The following UNC5D variants were observed in gnomAD, a reference collection of about 807,000 sequenced individuals.
The protein encoded by UNC5D is unc-5 netrin receptor D, also known as netrin receptor UNC5D.
UNC5D carries 39 observed loss-of-function variants against 105.4 expected under a neutral mutation model. The ratio of observed to expected loss-of-function variants is 0.37; its 90% CI spans 0.29 to 0.48. The LOEUF (loss-of-function observed/expected upper bound fraction) is 0.48. Ranked by LOEUF, UNC5D falls within the 20% of genes least tolerant of loss-of-function variation. UNC5D has a pLI of 0.98. For synonymous variants in UNC5D, 452 were observed against 450.4 expected (o/e 1.00, Z -0.04); for missense variants, 991 against 1,202.4 (o/e 0.82, Z 2.60).
chr8:35,512,292 CA>C (rs1812762001), intron 1 of UNC5D, among the ~76,000 whole-genome samples: 1 of 150,522 alleles, frequency 6.6e-6, no homozygotes, highest in South Asian at 2.1e-4. Flanking sequence ...TGGGCAGAGG[CA>C]AAAGGATTAC....
At chr8:35,581,107 C>A (rs1012729590) in intron 3 of UNC5D, among the ~76,000 whole-genome samples, 1 of 152,096 alleles carries the variant, frequency 6.6e-6, no homozygotes, top group African/African-American at 2.4e-5. Flanking sequence ...GAATCCTCAT[C>A]TCTGGAAGGA....
Position 35,750,755 on chromosome 8 carries a change from C to G in UNC5D, c.2109C>G (p.Ser703=). Residue 703 remains serine, a synonymous_variant, in exon 13 of 17, where the codon TCC becomes TCG. Transcript: ENST00000404895. ...TTTTTGGCTGCATGTCCTGTAACTC[C>G]CTGGATTACAACTTGAGAGTTTACT... ...VAVFGCMSCN[S]LDYNLRVYCV... The G allele has an allele frequency of 6.2e-7, 1 of 1,614,090 alleles. No individual in the cohort carries two copies. Among genetic ancestry groups the G allele is most frequent in the Non-Finnish European group, 8.5e-7 (1 of 1,179,996 alleles).
intron 1 of UNC5D, among the ~76,000 whole-genome samples, chr8:35,310,700 A>T (rs1411912938): frequency 2.0e-4 from 31 of 152,242 alleles, no homozygotes; most frequent in African/African-American, 7.0e-4. Flanking sequence ...CATTCTAGAT[A>T]GTTTTTCTGT....
At chr8:35,740,583 C>CTG (rs2131605530) in intron 11 of UNC5D, among the ~76,000 whole-genome samples, 1 of 152,302 alleles carries the variant, frequency 6.6e-6, no homozygotes, top group South Asian at 2.1e-4. Context: ...TTTGACCCCT[C>CTG]TGTGTACCTC....
chr8:35,409,809 C>T (rs1320964050), intron 1 of UNC5D, among the ~76,000 whole-genome samples: 1 of 151,896 alleles, frequency 6.6e-6, no homozygotes, highest in Non-Finnish European at 1.5e-5. Flanking sequence ...CATCACCAAA[C>T]TTAATATGCA....
intron 11 of UNC5D, among the ~76,000 whole-genome samples, chr8:35,737,661 C>T (rs949887541): frequency 1.3e-4 from 20 of 152,150 alleles, no homozygotes; most frequent in Admixed American, 9.2e-4. Context: ...TGCCTACCTG[C>T]TTCATTCAAG....
chr8:35,594,498 C>T (rs1400877624), intron 3 of UNC5D, among the ~76,000 whole-genome samples: 1 of 152,122 alleles, frequency 6.6e-6, no homozygotes, highest in Non-Finnish European at 1.5e-5. Context: ...AATGCATTGT[C>T]AGGGAGGGAG....
At chr8:35,786,492 G>T (rs1242789113) in intron 16 of UNC5D, among the ~76,000 whole-genome samples, 1 of 152,052 alleles carries the variant, frequency 6.6e-6, no homozygotes, top group African/African-American at 2.4e-5. Flanking sequence ...TCTCTTTCTT[G>T]AGGCAGGTGT....
At chr8:35,493,789 C>T (rs1255410536) in intron 1 of UNC5D, among the ~76,000 whole-genome samples, 1 of 151,960 alleles carries the variant, frequency 6.6e-6, no homozygotes, top group Non-Finnish European at 1.5e-5. Flanking sequence ...ACTTTCTTTT[C>T]TTTCTTTAAT....
intron 1 of UNC5D, among the ~76,000 whole-genome samples, chr8:35,283,082 G>A (rs939303698): frequency 6.6e-6 from 1 of 152,080 alleles, no homozygotes; most frequent in Non-Finnish European, 1.5e-5. Context: ...AATGCTCTTG[G>A]GAAGCTATTT....
At chr8:35,533,956 T>C (rs1004772457) in intron 1 of UNC5D, among the ~76,000 whole-genome samples, 3 of 152,084 alleles carry the variant, frequency 2.0e-5, no homozygotes, top group African/African-American at 7.2e-5. Flanking sequence ...TGGCACTCCC[T>C]AGTGAGATAA....
chr8:35,251,734 A>T (rs755111688), intron 1 of UNC5D, among the ~76,000 whole-genome samples: 1 of 152,290 alleles, frequency 6.6e-6, no homozygotes. Flanking sequence ...TTTAACCTTC[A>T]TCTAATGTGT....
At chr8:35,398,166 T>A (rs1405826219) in intron 1 of UNC5D, among the ~76,000 whole-genome samples, 1 of 152,192 alleles carries the variant, frequency 6.6e-6, no homozygotes, top group Non-Finnish European at 1.5e-5. Context: ...CAGGACACTA[T>A]TTAGAGGAAA....
chr8:35,448,248 C>T (rs563257622), intron 1 of UNC5D, among the ~76,000 whole-genome samples: 1 of 152,106 alleles, frequency 6.6e-6, no homozygotes, highest in Non-Finnish European at 1.5e-5. Flanking sequence ...GGTTTGGGGG[C>T]TCCAGTCTGC....
Position 35,790,542 on chromosome 8 carries a change from C to T in UNC5D, c.2841C>T (p.Tyr947=). The part of the protein sequence containing the change: ...ESQLDEADFN[Y]SRQNGL ...AGCTTGATGAAGCCGACTTCAACTA[C>T]AGCAGGCAAAATGGACTCTAGTCCA... Residue 947 remains tyrosine (Y), a synonymous_variant, in exon 17 of 17, where the codon TAC becomes TAT. Transcript: ENST00000404895. The T allele has an allele frequency of 1.2e-6, 2 of 1,613,764 alleles. No homozygotes were observed. Among genetic ancestry groups the T allele is most frequent in the Non-Finnish European group, 1.7e-6 (2 of 1,179,818 alleles).
At chr8:35,635,506 T>C (rs749519511) in intron 4 of UNC5D, among the ~76,000 whole-genome samples, 10 of 152,162 alleles carry the variant, frequency 6.6e-5, no homozygotes, top group Non-Finnish European at 1.5e-4. Flanking sequence ...GAGCAGAAGT[T>C]ATAATAACTC....
chr8:35,647,308 CAATT>C (rs1823112779), intron 4 of UNC5D, among the ~76,000 whole-genome samples: 1 of 151,806 alleles, frequency 6.6e-6, no homozygotes, highest in Non-Finnish European at 1.5e-5. Context: ...CAGTGGAAAA[CAATT>C]TATTTCTTTA....
intron 4 of UNC5D, among the ~76,000 whole-genome samples, chr8:35,599,620 C>A (rs183602740): frequency 1.3e-5 from 2 of 151,952 alleles, no homozygotes; most frequent in Non-Finnish European, 2.9e-5. Context: ...CAGGGTTAGC[C>A]CTACACAAAA....
intron 1 of UNC5D, among the ~76,000 whole-genome samples, chr8:35,334,411 G>C (rs1464290090): frequency 1.3e-5 from 2 of 152,110 alleles, no homozygotes; most frequent in Admixed American, 6.5e-5. Context: ...TTCTAAGTAG[G>C]ACTTTTATCT....
Sources: gnomAD v4.1 joint callset for allele counts (sites outside exome capture counted in the v4.1 genomes callset) on GRCh38, gnomAD v4.1.1 for gene constraint, MANE v1.5 for transcripts, NCBI Gene and HGNC (gene_info 2026-07-23, HGNC 2026-07-21) for gene names.